ZEB1: variants seen among roughly 807,000 people sequenced by gnomAD.
ZEB1 encodes the protein zinc finger E-box binding homeobox 1, also known as zinc finger E-box-binding homeobox 1.
ZEB1 carries 21 observed loss-of-function variants against 84.9 expected under a neutral mutation model. That is an observed-to-expected ratio of 0.25 (90% CI 0.18 to 0.36). The LOEUF is 0.36. Ranked by LOEUF, ZEB1 falls within the 10% of genes least tolerant of loss-of-function variation. The pLI is 1.00. For synonymous variants in ZEB1, 420 were observed against 471.1 expected (o/e 0.89, Z 1.41); for missense variants, 1,104 against 1,330.2 (o/e 0.83, Z 2.65).
chr10:31,413,983 C>T (rs1475199167), intron 1 of ZEB1, among the ~76,000 whole-genome samples: 3 of 152,148 alleles, frequency 2.0e-5, no homozygotes, highest in Non-Finnish European at 4.4e-5. Context: ...CTGCAAAGAC[C>T]GCCCCTTCCA....
chr10:31,502,291 AC>A, intron 3 of ZEB1, 56 bp from the exon 4 acceptor site: 2 of 1,545,114 alleles, frequency 1.3e-6, no homozygotes, highest in Non-Finnish European at 1.8e-6. Context: ...TATTTAGAAA[AC>A]CTTTGTAATA....
intron 1 of ZEB1, among the ~76,000 whole-genome samples, chr10:31,333,612 A>G (rs1373107652): frequency 6.6e-6 from 1 of 152,040 alleles, no homozygotes; most frequent in African/African-American, 2.4e-5. Flanking sequence ...ACAAGAAACA[A>G]TATTCAATCT....
At chr10:31,400,149 C>A (rs1373835937) in intron 1 of ZEB1, among the ~76,000 whole-genome samples, 1 of 152,062 alleles carries the variant, frequency 6.6e-6, no homozygotes, top group Non-Finnish European at 1.5e-5. Flanking sequence ...CTACTTTTTT[C>A]ATTTATTTTT....
At chr10:31,413,424 T>G (rs2054648009) in intron 1 of ZEB1, among the ~76,000 whole-genome samples, 1 of 152,118 alleles carries the variant, frequency 6.6e-6, no homozygotes, top group Non-Finnish European at 1.5e-5. Context: ...AGAAATTGCT[T>G]TTGATAAGCT....
intron 1 of ZEB1, among the ~76,000 whole-genome samples, chr10:31,340,242 C>CA (rs2039088712): frequency 6.6e-6 from 1 of 151,998 alleles, no homozygotes; most frequent in African/African-American, 2.4e-5. Context: ...TCTCCCTTTC[C>CA]ATACCAAGCA....
chr10:31,498,161 G>A (rs138234908), intron 3 of ZEB1, among the ~76,000 whole-genome samples: 2,502 of 151,986 alleles, frequency 0.016, 113 homozygotes, highest in Admixed American at 0.099. Context: ...TAAAGACCAG[G>A]ACATTTGCTT....
In ZEB1 at chr10:31,460,988, ATTGT is replaced by A. The variant is rs770284050; in HGVS notation, c.59-46_59-43del. 2.1e-6 allele frequency: 3 copies of A among 1,447,078 alleles called. No individual in the cohort carries two copies. The South Asian group carries it at 3.5e-5, about 17-fold the overall frequency. 89.6% of individuals were successfully genotyped at this position (1,447,078 alleles called of 1,614,324 possible). On this transcript the variant is annotated intron_variant, in intron 1 of 8. Coordinates refer to ENST00000424869, the MANE Select transcript of ZEB1 (RefSeq NM_001174096.2). ...TTATTTTTCTGAGATGTAAAAACTG[ATTGT>A]TTTACTAGTTGGTTTTGATTATTTG...
intron 1 of ZEB1, among the ~76,000 whole-genome samples, chr10:31,394,330 C>T (rs1371289388): frequency 6.6e-6 from 1 of 152,088 alleles, no homozygotes; most frequent in East Asian, 1.9e-4. Context: ...TAGATACTAG[C>T]CTTTGGGCTT....
chr10:31,326,541 CA>C (rs1193801545), intron 1 of ZEB1, among the ~76,000 whole-genome samples: 1 of 152,060 alleles, frequency 6.6e-6, no homozygotes, highest in Non-Finnish European at 1.5e-5. Flanking sequence ...GAGAATCATC[CA>C]AAGCCATTTT....
chr10:31,342,581 T>G (rs2039592981), intron 1 of ZEB1, among the ~76,000 whole-genome samples: 1 of 152,154 alleles, frequency 6.6e-6, no homozygotes, highest in Non-Finnish European at 1.5e-5. Flanking sequence ...CCTAAGGTTA[T>G]ACTAGAAGTT....
At chr10:31,384,417 C>G (rs537430342) in intron 1 of ZEB1, among the ~76,000 whole-genome samples, 100 of 152,294 alleles carry the variant, frequency 6.6e-4, no homozygotes, top group African/African-American at 2.1e-3. Context: ...AGGCACATCA[C>G]CTGTCTCCCC....
chr10:31,443,055 G>C (rs570654955), intron 1 of ZEB1, among the ~76,000 whole-genome samples: 9 of 152,200 alleles, frequency 5.9e-5, no homozygotes, highest in African/African-American at 1.9e-4. Context: ...TTTGAAGCCA[G>C]AGAGAGCAAG....
intron 1 of ZEB1, among the ~76,000 whole-genome samples, chr10:31,438,634 AAG>A (rs1266613179): frequency 6.6e-6 from 1 of 152,216 alleles, no homozygotes; most frequent in Non-Finnish European, 1.5e-5. Context: ...CCAGGGGCTC[AAG>A]ACCACCATAG....
At chr10:31,461,902 A>T (rs187388681) in intron 2 of ZEB1, among the ~76,000 whole-genome samples, 12 of 152,244 alleles carry the variant, frequency 7.9e-5, no homozygotes, top group Admixed American at 7.2e-4. Context: ...AACTAATTAA[A>T]TTATTTAGCC....
intron 2 of ZEB1, among the ~76,000 whole-genome samples, chr10:31,476,430 A>G (rs889558267): frequency 6.6e-6 from 1 of 152,022 alleles, no homozygotes; most frequent in Non-Finnish European, 1.5e-5. Context: ...AATCCTGAAC[A>G]GACAAATTAT....
At chr10:31,440,200 G>T (rs1373973939) in intron 1 of ZEB1, among the ~76,000 whole-genome samples, 1 of 152,150 alleles carries the variant, frequency 6.6e-6, no homozygotes, top group African/African-American at 2.4e-5. Flanking sequence ...GAATGGAATT[G>T]CCGTTTACTG....
intron 1 of ZEB1, among the ~76,000 whole-genome samples, chr10:31,428,707 C>T (rs1012277326): frequency 6.6e-6 from 1 of 152,158 alleles, no homozygotes; most frequent in Non-Finnish European, 1.5e-5. Context: ...TTGAAGGTCT[C>T]TTAAGAAGTT....
chr10:31,323,943 T>C (rs2034806233), intron 1 of ZEB1, among the ~76,000 whole-genome samples: 1 of 150,454 alleles, frequency 6.6e-6, no homozygotes, highest in East Asian at 1.9e-4. Context: ...TAATTTCTTA[T>C]TTTAGGATGT....
intron 1 of ZEB1, among the ~76,000 whole-genome samples, chr10:31,407,107 T>C (rs530020821): frequency 5.4e-4 from 82 of 151,936 alleles, no homozygotes; most frequent in Non-Finnish European, 1.0e-3. Context: ...TATTTATTAT[T>C]ATTATACCTT....
Sources: allele counts gnomAD v4.1 joint callset (sites outside exome capture counted in the v4.1 genomes callset), GRCh38; gene constraint gnomAD v4.1.1; transcripts MANE v1.5; gene names NCBI Gene and HGNC (gene_info 2026-07-23, HGNC 2026-07-21).